DMD: variants seen among roughly 807,000 people sequenced by gnomAD.
The protein encoded by DMD is dystrophin.
In DMD, 63 loss-of-function variants were observed where a neutral mutation model predicts 330.1. The ratio of observed to expected loss-of-function variants is 0.19; its 90% CI spans 0.16 to 0.24. The LOEUF (loss-of-function observed/expected upper bound fraction) is 0.24, where lower values mean the gene tolerates loss of function less well. Among genes scored for constraint, DMD ranks in the 10% least tolerant of loss-of-function variants. DMD has a pLI of 1.00. For synonymous variants in DMD, 1,223 were observed against 959.8 expected (o/e 1.27, Z -5.07); for missense variants, 3,344 against 2,684.1 (o/e 1.25, Z -5.43).
At chrX:32,904,733 G>T (rs1326417015) in intron 2 of DMD, among the ~76,000 whole-genome samples, 1 of 111,078 alleles carries the variant, frequency 9.0e-6, no homozygotes, top group Non-Finnish European at 1.9e-5. Context: ...ACCACCACAC[G>T]CCCGGCTAAT....
At chrX:32,695,261 T>TTACTAATTAGGCCTAGAAA (rs1569464750) in intron 9 of DMD, among the ~76,000 whole-genome samples, 2 of 111,776 alleles carry the variant, frequency 1.8e-5, no homozygotes, top group African/African-American at 6.5e-5. Context: ...GTTCTGCCAC[T>TTACTAATTAGGCCTAGAAA]TACTAATTAG....
chrX:32,733,652 C>T (rs2148073285), intron 7 of DMD, among the ~76,000 whole-genome samples: 1 of 111,651 alleles, frequency 9.0e-6, no homozygotes, highest in Admixed American at 9.5e-5. Context: ...ACAACCTCCT[C>T]CTGAATGACT....
intron 1 of DMD, among the ~76,000 whole-genome samples, chrX:33,071,536 G>A (rs2094757211): frequency 9.1e-6 from 1 of 110,073 alleles, no homozygotes; most frequent in South Asian, 3.9e-4. Flanking sequence ...CATTTATAAA[G>A]TAGTATAATT....
At chrX:33,133,227 T>C (rs1569556067) in intron 1 of DMD, among the ~76,000 whole-genome samples, 1 of 111,368 alleles carries the variant, frequency 9.0e-6, no homozygotes, top group Non-Finnish European at 1.9e-5. Flanking sequence ...AGCACCTATA[T>C]GTAGTAGTAC....
intron 2 of DMD, among the ~76,000 whole-genome samples, chrX:32,862,739 G>C (rs142503466): frequency 0.012 from 1,309 of 110,908 alleles, 22 homozygotes; most frequent in African/African-American, 0.04. Flanking sequence ...CATTCTGAAA[G>C]TTAAACCCAG....
intron 11 of DMD, among the ~76,000 whole-genome samples, chrX:32,619,575 T>C (rs1487039820): frequency 3.6e-5 from 4 of 112,049 alleles, no homozygotes; most frequent in African/African-American, 9.7e-5. Context: ...TATACAATTT[T>C]ATCTGTCAAT....
At chrX:31,662,729 A>C (rs917837479) in intron 53 of DMD, among the ~76,000 whole-genome samples, 14 of 111,654 alleles carry the variant, frequency 1.3e-4, no homozygotes, top group African/African-American at 4.2e-4. Context: ...TAACCTTGTA[A>C]GTCCCAGTTT....
At chrX:32,849,466 G>T (rs955694008) in intron 3 of DMD, among the ~76,000 whole-genome samples, 2 of 111,796 alleles carry the variant, frequency 1.8e-5, no homozygotes, top group Non-Finnish European at 3.8e-5. Context: ...CCTTCATTAA[G>T]ATATTTGATA....
chrX:32,191,470 G>C (rs1383228380), intron 44 of DMD, among the ~76,000 whole-genome samples: 1 of 111,754 alleles, frequency 8.9e-6, no homozygotes, highest in East Asian at 2.8e-4. Flanking sequence ...AGAATAAGGG[G>C]ATAATGGTTC....
chrX:31,490,712 A>G (rs1351363779), intron 57 of DMD, among the ~76,000 whole-genome samples: 1 of 112,511 alleles, frequency 8.9e-6, no homozygotes. Context: ...ACATCCAAAG[A>G]TATTTTCTCT....
intron 7 of DMD, among the ~76,000 whole-genome samples, chrX:32,741,531 G>A (rs2069268941): frequency 9.0e-6 from 1 of 111,570 alleles, no homozygotes; most frequent in South Asian, 3.8e-4. Flanking sequence ...AACCTTATCT[G>A]TCTGCTGGAT....
intron 53 of DMD, among the ~76,000 whole-genome samples, chrX:31,662,299 G>T (rs1300660226): frequency 9.0e-6 from 1 of 111,431 alleles, no homozygotes; most frequent in Non-Finnish European, 1.9e-5. Context: ...ATCAGCATCA[G>T]CATCATCATC....
chrX:32,817,325 T>C (rs1426519816), intron 5 of DMD, among the ~76,000 whole-genome samples: 1 of 112,035 alleles, frequency 8.9e-6, no homozygotes, highest in Non-Finnish European at 1.9e-5. Context: ...GGTGTACATA[T>C]GTAGCCTTGG....
At chrX:33,230,859 C>G (rs1211051678) in intron 1 of DMD, among the ~76,000 whole-genome samples, 1 of 110,200 alleles carries the variant, frequency 9.1e-6, no homozygotes, top group Non-Finnish European at 1.9e-5. Context: ...GGTAGGTATG[C>G]AAAGACCCTG....
chrX:32,970,052 G>A (rs1389820720), intron 2 of DMD, among the ~76,000 whole-genome samples: 5 of 94,857 alleles, frequency 5.3e-5, no homozygotes, highest in Non-Finnish European at 1.0e-4. Flanking sequence ...CAATGATGGC[G>A]ATGGTCCTCA....
chrX:32,836,566 T>TA (rs2079650959), intron 4 of DMD, among the ~76,000 whole-genome samples: 1 of 111,397 alleles, frequency 9.0e-6, no homozygotes. Context: ...CTGCTTTCCT[T>TA]AAAGCATTTT....
rs183464198 is a variant in DMD, at chrX:32,383,628, G to A, written c.4674+2682C>T. 3.2e-3 allele frequency among the ~76,000 whole-genome samples: 350 copies of A among 110,407 alleles called. 3 individuals are homozygous for A. Among genetic ancestry groups the A allele is most frequent in the African/African-American group, 0.011 (343 of 30,624 alleles). ...TAAATGTTTGGCCTATGTTTTTGCT[G>A]TATTCTGTGATACTATTAAAGTTAA... is the stretch of plus-strand genomic sequence containing the variant. On this transcript the variant is annotated intron_variant, in intron 33 of 78. Coordinates refer to ENST00000357033, the MANE Select transcript of DMD (RefSeq NM_004006.3).
chrX:33,140,202 C>T (rs73455870), intron 1 of DMD, among the ~76,000 whole-genome samples: 119 of 112,052 alleles, frequency 1.1e-3, no homozygotes, highest in African/African-American at 3.8e-3. Context: ...AGTGGGATTG[C>T]CCAGCAAGTA....
chrX:33,108,702 C>G (rs761060991), intron 1 of DMD, among the ~76,000 whole-genome samples: 1 of 104,978 alleles, frequency 9.5e-6, no homozygotes, highest in South Asian at 4.5e-4. Context: ...ATGGTGAAAC[C>G]TCGTCTCTAC....
Sources: allele counts gnomAD v4.1 joint callset (sites outside exome capture counted in the v4.1 genomes callset), GRCh38; gene constraint gnomAD v4.1.1; transcripts MANE v1.5; gene names NCBI Gene and HGNC (gene_info 2026-07-23, HGNC 2026-07-21).